Variants in RING1 observed in about 807,000 individuals in gnomAD.
RING1 encodes the protein ring finger protein 1.
In RING1, 8 loss-of-function variants were observed where a neutral mutation model predicts 35.0. The observed-to-expected ratio is 0.23, with a 90% CI of 0.13 to 0.41. RING1 has a LOEUF of 0.41. Among genes scored for constraint, RING1 ranks in the 10% least tolerant of loss-of-function variants. The pLI, the probability that RING1 is intolerant of heterozygous loss-of-function variation, is 1.00. For missense variants in RING1, 343 were observed against 546.8 expected (o/e 0.63, Z 3.72); for synonymous variants, 214 against 224.3 (o/e 0.95, Z 0.41).
At position 33,211,904 on chromosome 6, in the gene RING1, G is replaced by A; in HGVS notation, c.1021G>A (p.Gly341Arg). 3 of 1,603,684 alleles carry A rather than the reference G, an allele frequency of 1.9e-6. No homozygotes were observed. The highest frequency in any genetic ancestry group is 2.6e-6 in the Non-Finnish European group (3 of 1,175,338). Residue 341 changes from glycine to arginine, a missense_variant, in exon 6 of 7, where the codon GGA becomes AGA. Around this residue, in one of 2 missense-constraint regions of RING1, gnomAD observed 278 missense variants for 383.5 expected, o/e 0.72. Transcript: ENST00000374656. This position sits in a 1 kb window ranked among gnomAD's most constrained non-coding sequence, Gnocchi z 6.3. ...GCGGEGGGAG[G>R]GDGPEEPALP... ...TGGCGGGGAGGGTGGGGGTGCCGGA[G>A]GAGGTGACGGTCCTGAGGAGCCTGC...
chr6:33,211,566 C>G lies in RING1; in HGVS notation c.845+19C>G. ...AGACGAGGTGAGGAGCCCTGTCTTT[C>G]CCCAGCCACTGAGAAACCAAAGATC... is the stretch of plus-strand genomic sequence containing the variant. On this transcript the variant is annotated intron_variant, in intron 5 of 6. Coordinates refer to ENST00000374656, the MANE Select transcript of RING1 (RefSeq NM_002931.4). The surrounding 1 kb of genome is among the most constrained non-coding windows in gnomAD (Gnocchi z 6.3). 6.2e-7 allele frequency: 1 copy of G among 1,604,020 alleles called. No homozygotes were observed. Among genetic ancestry groups the G allele is most frequent in the Non-Finnish European group, 8.5e-7 (1 of 1,178,046 alleles).
At position 33,211,464 on chromosome 6, in the gene RING1, C is replaced by A. The variant is rs900280949; in HGVS notation, c.762C>A (p.Ser254Arg). The A allele has an allele frequency of 1.9e-6, 3 of 1,600,274 alleles. No homozygotes were observed. Among genetic ancestry groups the A allele is most frequent in the Non-Finnish European group, 8.5e-7 (1 of 1,172,794 alleles). ...LGPPSPPGAP[S>R]PPEPGGEIEL... ...CCCCAAGCCCTCCTGGGGCCCCCAG[C>A]CCCCCAGAGCCAGGTGGAGAAATTG... The change falls in exon 5 of 7, where the codon AGC (serine) becomes AGA (arginine). Residue 254 changes from serine to arginine, a missense_variant. This residue lies in a region of RING1 where 278 missense variants were observed against 383.5 expected (regional missense o/e 0.72). Transcript: ENST00000374656. This position sits in a 1 kb window ranked among gnomAD's most constrained non-coding sequence, Gnocchi z 6.3.
Position 33,208,827 on chromosome 6 carries a change from C to T in RING1, c.5C>T (p.Thr2Met), listed in dbSNP as rs768158987. ...GGGGGTCTGCGCCCGGTCACCATGA[C>T]GACGCCGGCGAATGCCCAGAATGCC... M[T>M]TPANAQNASK... is the part of the protein sequence containing the mutation. Residue 2 changes from threonine (T) to methionine (M), a missense_variant, in exon 2 of 7, where the codon ACG (threonine) becomes ATG (methionine). By Grantham distance (81) the Thr-to-Met change is moderately conservative. This residue lies in a region of RING1 where 65 missense variants were observed against 163.3 expected (regional missense o/e 0.40). Coordinates refer to ENST00000374656, the MANE Select transcript of RING1 (RefSeq NM_002931.4). The surrounding 1 kb of genome is among the most constrained non-coding windows in gnomAD (Gnocchi z 6.2). 7 of 1,604,144 alleles carry T rather than the reference C, an allele frequency of 4.4e-6. No homozygotes were observed. The East Asian group carries it at 1.3e-4, about 31-fold the overall frequency.
chr6:33,209,096 A>G lies in RING1; in HGVS notation c.78+196A>G. 2.8e-6 allele frequency: 2 copies of G among 704,414 alleles called. No homozygotes were observed. The highest frequency in any genetic ancestry group is 5.2e-6 in the Non-Finnish European group (2 of 385,486). 43.6% of individuals were successfully genotyped at this position (704,414 alleles called of 1,614,324 possible). A position where few individuals can be genotyped will look rare whatever the true frequency, so the allele number is the denominator to read the frequency against. On this transcript the variant is annotated intron_variant, in intron 2 of 6. Transcript: ENST00000374656. The surrounding 1 kb of genome is among the most constrained non-coding windows in gnomAD (Gnocchi z 5.1). ...CAAAACAGCCCTGCCAGAGAGGTGG[A>G]ACAAGTATTATTATCTTCATTTGAA...
chr6:33,211,928 G>C lies in RING1; in HGVS notation c.1045G>C (p.Ala349Pro). The change falls in exon 6 of 7, where the codon GCT becomes CCT. Residue 349 changes from alanine (A) to proline (P), a missense_variant. This residue lies in a region of RING1 where 278 missense variants were observed against 383.5 expected (regional missense o/e 0.72). Coordinates refer to ENST00000374656, the MANE Select transcript of RING1 (RefSeq NM_002931.4). This position sits in a 1 kb window ranked among gnomAD's most constrained non-coding sequence, Gnocchi z 6.3. ...AGGAGGTGACGGTCCTGAGGAGCCTGCTTTGCCCAGCCTGGAGGGCGTCAG... is the reference window on the plus strand; with the variant it reads ...AGGAGGTGACGGTCCTGAGGAGCCTCCTTTGCCCAGCCTGGAGGGCGTCAG... ...AGGGDGPEEP[A>P]LPSLEGVSEK... The C allele has an allele frequency of 6.3e-7, 1 of 1,596,326 alleles. No homozygotes were observed. Among genetic ancestry groups the C allele is most frequent in the South Asian group, 1.1e-5 (1 of 89,360 alleles).
At position 33,212,639 on chromosome 6, in the gene RING1, G is replaced by A. The variant is rs7775179; in HGVS notation, c.*240G>A. 7.2e-6 allele frequency: 3 copies of A among 418,796 alleles called. No homozygotes were observed. The highest frequency in any genetic ancestry group is 7.1e-5 in the South Asian group (1 of 14,082). 25.9% of individuals were successfully genotyped at this position (418,796 alleles called of 1,614,324 possible). A position where few individuals can be genotyped will look rare whatever the true frequency, so the allele number is the denominator to read the frequency against. Reference sequence around the variant, plus strand: ...TTGCCCTGCAACGTCCCATCTATACGAGGTGTTGGAGAAGGTGAAGAACCC... The same window carrying A: ...TTGCCCTGCAACGTCCCATCTATACAAGGTGTTGGAGAAGGTGAAGAACCC... On this transcript the variant is annotated 3_prime_UTR_variant, in exon 7 of 7. Coordinates refer to ENST00000374656, the MANE Select transcript of RING1 (RefSeq NM_002931.4).
At position 33,209,634 on chromosome 6, in the gene RING1, A is replaced by T; in HGVS notation, c.87A>T (p.Ile29=). 6.2e-7 allele frequency: 1 copy of T among 1,612,730 alleles called. No individual in the cohort carries two copies. Among genetic ancestry groups the T allele is most frequent in the South Asian group, 1.1e-5 (1 of 91,080 alleles). The part of the protein sequence containing the change: ...YELHRTPQEA[I]MDGTEIAVSP... ...CTCACTGATGCCTTCAGGAAGCCAT[A>T]ATGGATGGCACAGAGATTGCTGTTT... Residue 29 remains isoleucine (I), a synonymous_variant, in exon 3 of 7, where the codon ATA becomes ATT. Coordinates refer to ENST00000374656, the MANE Select transcript of RING1 (RefSeq NM_002931.4). The surrounding 1 kb of genome is among the most constrained non-coding windows in gnomAD (Gnocchi z 5.1).
rs748574413 is a variant in RING1, at chr6:33,211,917, C to T, written c.1034C>T (p.Pro345Leu). The T allele has an allele frequency of 1.9e-6, 3 of 1,598,540 alleles. No individual in the cohort carries two copies. The highest frequency in any genetic ancestry group is 2.2e-5 in the South Asian group (2 of 89,616). Reference sequence around the variant, plus strand: ...GGGGGTGCCGGAGGAGGTGACGGTCCTGAGGAGCCTGCTTTGCCCAGCCTG... The same window carrying T: ...GGGGGTGCCGGAGGAGGTGACGGTCTTGAGGAGCCTGCTTTGCCCAGCCTG... ...EGGGAGGGDG[P>L]EEPALPSLEG... Residue 345 changes from proline to leucine, a missense_variant, in exon 6 of 7, where the codon CCT becomes CTT. This residue lies in a region of RING1 where 278 missense variants were observed against 383.5 expected (regional missense o/e 0.72). Coordinates refer to ENST00000374656, the MANE Select transcript of RING1 (RefSeq NM_002931.4). This position sits in a 1 kb window ranked among gnomAD's most constrained non-coding sequence, Gnocchi z 6.3.
rs1381828153 is a variant in RING1 at position 33,211,567 on chromosome 6, C to T, written c.845+20C>T. On this transcript the variant is annotated intron_variant, in intron 5 of 6. Transcript: ENST00000374656. The surrounding 1 kb of genome is among the most constrained non-coding windows in gnomAD (Gnocchi z 6.3). ...GACGAGGTGAGGAGCCCTGTCTTTC[C>T]CCAGCCACTGAGAAACCAAAGATCA... 3.7e-6 allele frequency: 6 copies of T among 1,603,980 alleles called. No homozygotes were observed. Among genetic ancestry groups the T allele is most frequent in the Non-Finnish European group, 5.1e-6 (6 of 1,178,018 alleles).
chr6:33,209,317 A>C lies in RING1; in HGVS notation c.79-309A>C, dbSNP rs1248142182. ...GGGTTCTAATACAGGTAGCACCAGG[A>C]CTTTAAAAAATTTTGTTGAATAGTT... On this transcript the variant is annotated intron_variant, in intron 2 of 6. Coordinates refer to ENST00000374656, the MANE Select transcript of RING1 (RefSeq NM_002931.4). This position sits in a 1 kb window ranked among gnomAD's most constrained non-coding sequence, Gnocchi z 5.1. 8.8e-6 allele frequency: 5 copies of C among 569,588 alleles called. 1 individual carries two copies. Among genetic ancestry groups the C allele is most frequent in the Non-Finnish European group, 1.6e-5 (5 of 319,286 alleles). The allele number at this position is 569,588 out of a possible 1,614,324, so 35.3% of individuals were successfully genotyped here.
At position 33,211,481 on chromosome 6, in the gene RING1, G is replaced by C; in HGVS notation, c.779G>C (p.Gly260Ala). The C allele has an allele frequency of 3.7e-6, 6 of 1,611,214 alleles. No homozygotes were observed. The highest frequency in any genetic ancestry group is 5.1e-6 in the Non-Finnish European group (6 of 1,179,308). ...GCCCCCAGCCCCCCAGAGCCAGGTGGAGAAATTGAGCTCGTGTTCCGGCCC... is the reference window on the plus strand; with the variant it reads ...GCCCCCAGCCCCCCAGAGCCAGGTGCAGAAATTGAGCTCGTGTTCCGGCCC... Reference protein sequence around the residue: ...PGAPSPPEPGGEIELVFRPHP... With the variant: ...PGAPSPPEPGAEIELVFRPHP... The change falls in exon 5 of 7, where the codon GGA becomes GCA. Residue 260 changes from glycine (G) to alanine (A), a missense_variant. Transcript: ENST00000374656. This position sits in a 1 kb window ranked among gnomAD's most constrained non-coding sequence, Gnocchi z 6.3.
In RING1 at chr6:33,209,213, A is replaced by G. The variant is rs1318366298; in HGVS notation, c.78+313A>G. The G allele has an allele frequency of 1.6e-6, 1 of 609,122 alleles. No individual in the cohort carries two copies. The highest frequency in any genetic ancestry group is 3.0e-6 in the Non-Finnish European group (1 of 334,086). The allele number at this position is 609,122 out of a possible 1,614,324, so 37.7% of individuals were successfully genotyped here. ...CTCACTTTGGGAGTTTATTAAAAGC[A>G]GAGCTTCATGCCCCCCAACATTCTG... On this transcript the variant is annotated intron_variant, in intron 2 of 6. Transcript: ENST00000374656. This position sits in a 1 kb window ranked among gnomAD's most constrained non-coding sequence, Gnocchi z 5.1.
intron 6 of RING1, 104 bp downstream of exon 6, chr6:33,212,106 A>G (rs1775585773): frequency 4.2e-6 from 4 of 962,912 alleles, no homozygotes; most frequent in Non-Finnish European, 6.2e-6. Context: ...CTCTTCCCCT[A>G]TACATCCTCT....
Position 33,209,141 on chromosome 6 carries a change from T to A in RING1, c.78+241T>A, listed in dbSNP as rs1324359572. 2.2e-5 allele frequency: 15 copies of A among 693,440 alleles called. 1 individual carries two copies. 43.0% of individuals were successfully genotyped at this position (693,440 alleles called of 1,614,324 possible). ...TTTGAAAGATCACAAACACAAAAATTACCTTCCCTGTTCCTCATTCAGTGT... is the reference window on the plus strand; with the variant it reads ...TTTGAAAGATCACAAACACAAAAATAACCTTCCCTGTTCCTCATTCAGTGT... On this transcript the variant is annotated intron_variant, in intron 2 of 6. Transcript: ENST00000374656. The surrounding 1 kb of genome is among the most constrained non-coding windows in gnomAD (Gnocchi z 5.1).
At chr6:33,210,614 CAA>C (rs746713399) in intron 4 of RING1, among the ~76,000 whole-genome samples, 16 of 116,438 alleles carry the variant, frequency 1.4e-4, no homozygotes, top group African/African-American at 1.3e-4. Flanking sequence ...GGCCCTGTCA[CAA>C]AAAAAAAAAA....
Position 33,212,339 on chromosome 6 carries a change from A to G in RING1, c.1161A>G (p.Lys387=), listed in dbSNP as rs1387064472. ...TGACCCTGGAGCTGGTGAATGAGAA[A>G]TTCTGGAAGGTGTCCCGGCCACTGG... is the stretch of plus-strand genomic sequence containing the variant. The part of the protein sequence containing the change: ...GSLTLELVNE[K]FWKVSRPLEL... The change falls in exon 7 of 7, where the codon AAA becomes AAG. Residue 387 remains lysine (K), a synonymous_variant. Transcript: ENST00000374656. 2.5e-6 allele frequency: 4 copies of G among 1,596,176 alleles called. No individual in the cohort carries two copies. In the African/African-American group the frequency reaches 5.4e-5, roughly 21 times the overall value.
Position 33,208,504 on chromosome 6 carries a change from G to C in RING1, c.-199G>C, listed in dbSNP as rs1775284198. ...GGAGGAGCAGGCGGAAGTGACGTAG[G>C]GCCCCAGCGCCCGGGCCATGGCGGC... On this transcript the variant is annotated 5_prime_UTR_variant, in exon 1 of 7. Transcript: ENST00000374656. The surrounding 1 kb of genome is among the most constrained non-coding windows in gnomAD (Gnocchi z 6.2). The C allele has an allele frequency of 4.8e-6, 2 of 420,990 alleles. No homozygotes were observed. The highest frequency in any genetic ancestry group is 8.3e-6 in the Non-Finnish European group (2 of 240,860). The allele number at this position is 420,990 out of a possible 1,614,324, so 26.1% of individuals were successfully genotyped here.
chr6:33,210,091 C>T lies in RING1; in HGVS notation c.416C>T (p.Ser139Phe). The change falls in exon 4 of 7, where the codon TCC becomes TTC. Residue 139 changes from serine (S) to phenylalanine (F), a missense_variant. Ser to Phe is a radical substitution (Grantham distance 155). Coordinates refer to ENST00000374656, the MANE Select transcript of RING1 (RefSeq NM_002931.4). The part of the protein sequence containing the change: ...SRLHNQQALS[S>F]SIEEGLRMQA... Reference sequence around the variant, plus strand: ...CTGCACAACCAGCAGGCATTGAGCTCCAGCATTGAGGAGGGGCTACGCATG... The same window carrying T: ...CTGCACAACCAGCAGGCATTGAGCTTCAGCATTGAGGAGGGGCTACGCATG... The T allele has an allele frequency of 6.2e-7, 1 of 1,614,196 alleles. No individual in the cohort carries two copies. Among genetic ancestry groups the T allele is most frequent in the Non-Finnish European group, 8.5e-7 (1 of 1,180,046 alleles).
chr6:33,209,103 AT>A lies in RING1; in HGVS notation c.78+205del, dbSNP rs1775357632. On this transcript the variant is annotated intron_variant, in intron 2 of 6. Coordinates refer to ENST00000374656, the MANE Select transcript of RING1 (RefSeq NM_002931.4). The surrounding 1 kb of genome is among the most constrained non-coding windows in gnomAD (Gnocchi z 5.1). ...GCCCTGCCAGAGAGGTGGAACAAGT[AT>A]TATTATCTTCATTTGAAAGATCACA... 2.8e-6 allele frequency: 2 copies of A among 702,758 alleles called. No individual in the cohort carries two copies. The highest frequency in any genetic ancestry group is 1.7e-5 in the African/African-American group (1 of 57,212). The allele number at this position is 702,758 out of a possible 1,614,324, so 43.5% of individuals were successfully genotyped here.
Sources: gnomAD v4.1 joint callset for allele counts (sites outside exome capture counted in the v4.1 genomes callset) on GRCh38, gnomAD v4.1.1 for gene constraint, gnomAD v4.1.1 regional missense constraint, Gnocchi (gnomAD v3.1) non-coding constraint, MANE v1.5 for transcripts, NCBI Gene and HGNC (gene_info 2026-07-23, HGNC 2026-07-21) for gene names.